The following LOC112694756 variants were observed in gnomAD, a reference collection of about 807,000 sequenced individuals.
At chr16:30,068,640 C>T in the LOC112694756 span, 4 of 1,613,992 alleles carry the variant, frequency 2.5e-6, no homozygotes, top group Non-Finnish European at 3.4e-6. Context: ...ACCCTGACCC[C>T]AACAGGTAGA....
At chr16:30,056,035 A>T in the LOC112694756 span, among the ~76,000 whole-genome samples, 2 of 151,846 alleles carry the variant, frequency 1.3e-5, no homozygotes, top group Non-Finnish European at 2.9e-5. Context: ...TCCTGACCTC[A>T]AATGATCCAC....
chr16:30,066,288 G>A, the LOC112694756 span: 1 of 152,524 alleles, frequency 6.6e-6, no homozygotes. Flanking sequence ...TCGCAAGTGG[G>A]AGCTTGGTTT....
the LOC112694756 span, among the ~76,000 whole-genome samples, chr16:30,054,212 A>G: frequency 4.6e-5 from 7 of 151,688 alleles, no homozygotes; most frequent in East Asian, 1.9e-4. Context: ...CCCAGCTACT[A>G]GGGAGGCTGA....
the LOC112694756 span, among the ~76,000 whole-genome samples, chr16:30,058,204 T>C: frequency 5.1e-3 from 783 of 152,298 alleles, 6 homozygotes; most frequent in East Asian, 0.032. Flanking sequence ...CTGCTGGAGC[T>C]AGGAAGGGAT....
At chr16:30,068,285 C>T in the LOC112694756 span, 14 of 352,514 alleles carry the variant, frequency 4.0e-5, no homozygotes, top group African/African-American at 2.4e-4. Context: ...AGGATGGTCT[C>T]GATCTCCTGA....
At chr16:30,069,651 C>A in the LOC112694756 span, 1 of 1,613,770 alleles carries the variant, frequency 6.2e-7, no homozygotes. Context: ...CGCTGCGCCG[C>A]ACAGTGCCCC....
the LOC112694756 span, chr16:30,064,019 G>A: frequency 2.5e-6 from 1 of 398,790 alleles, no homozygotes; most frequent in East Asian, 3.6e-5. Flanking sequence ...ACTCTTGGCC[G>A]GCTGGACGGC....
At chr16:30,059,226 G>A in the LOC112694756 span, among the ~76,000 whole-genome samples, 2 of 152,032 alleles carry the variant, frequency 1.3e-5, no homozygotes, top group Admixed American at 6.6e-5. Context: ...GGCCGGGTGC[G>A]GTGGCTCATG....
At chr16:30,067,285 G>A in the LOC112694756 span, 1 of 1,612,644 alleles carries the variant, frequency 6.2e-7, no homozygotes, top group South Asian at 1.1e-5. Context: ...ACTGACCCCG[G>A]AGCAGAAGAA....
chr16:30,056,387 C>G, the LOC112694756 span, among the ~76,000 whole-genome samples: 2 of 151,998 alleles, frequency 1.3e-5, no homozygotes, highest in African/African-American at 4.8e-5. Context: ...TATGTTTTTT[C>G]TGATTACAAA....
At chr16:30,066,793 A>G in the LOC112694756 span, 6 of 1,405,336 alleles carry the variant, frequency 4.3e-6, no homozygotes, top group South Asian at 2.8e-5. Context: ...GACCTTTCCC[A>G]TATCTGGGCC....
At chr16:30,061,548 CTTTTTTTTT>C in the LOC112694756 span, among the ~76,000 whole-genome samples, 15 of 65,622 alleles carry the variant, frequency 2.3e-4, no homozygotes, top group East Asian at 5.9e-4. Flanking sequence ...CCTCCATTTC[CTTTTTTTTT>C]TTTTTTTTTT....
the LOC112694756 span, chr16:30,069,711 T>A: frequency 1.2e-6 from 2 of 1,612,562 alleles, no homozygotes; most frequent in Non-Finnish European, 1.7e-6. Context: ...ATGCAGTAGA[T>A]AAGCTCCACC....
At chr16:30,067,442 A>T in the LOC112694756 span, 2 of 1,612,872 alleles carry the variant, frequency 1.2e-6, no homozygotes, top group Non-Finnish European at 1.7e-6. Flanking sequence ...CCCATGTGAC[A>T]CTCCCAGGGA....
chr16:30,055,271 C>A, the LOC112694756 span: 1 of 399,244 alleles, frequency 2.5e-6, no homozygotes, highest in Non-Finnish European at 4.4e-6. Context: ...CTGCAACTTT[C>A]CTCTGCCTAG....
the LOC112694756 span, chr16:30,070,348 C>T: frequency 7.7e-4 from 606 of 789,940 alleles, 4 homozygotes; most frequent in African/African-American, 8.3e-3. Context: ...TGTGTGGTGT[C>T]GTCTGTGAAT....
the LOC112694756 span, chr16:30,069,043 C>T: frequency 6.8e-6 from 11 of 1,606,184 alleles, no homozygotes; most frequent in Non-Finnish European, 9.4e-6. Context: ...GTTAATTTGC[C>T]TATTACCTGC....
chr16:30,067,742 G>C, the LOC112694756 span: 2 of 1,541,452 alleles, frequency 1.3e-6, no homozygotes, highest in East Asian at 4.5e-5. Context: ...GGGAATGAAT[G>C]CTGGATTGGT....
chr16:30,068,562 C>A, the LOC112694756 span: 1 of 1,475,008 alleles, frequency 6.8e-7, no homozygotes, highest in South Asian at 1.1e-5. Flanking sequence ...GAGATTCCAC[C>A]ACTGTACTCC....
Sources: allele counts gnomAD v4.1 joint callset (sites outside exome capture counted in the v4.1 genomes callset), GRCh38; gene constraint gnomAD v4.1.1; transcripts MANE v1.5.